Variants in FERMT1 observed in about 807,000 individuals in gnomAD.
FERMT1 encodes FERM domain containing kindlin 1.
In FERMT1, 60 loss-of-function variants were observed where a neutral mutation model predicts 85.3. That is an observed-to-expected ratio of 0.70 (90% confidence interval 0.57 to 0.87). FERMT1 has a LOEUF of 0.87. Among genes scored for constraint, FERMT1 ranks in the 40% least tolerant of loss-of-function variants. FERMT1 has a pLI of 0.00. For missense variants in FERMT1, 701 were observed against 818.9 expected (o/e 0.86, Z 1.76); for synonymous variants, 275 against 301.1 (o/e 0.91, Z 0.90).
chr20:6,090,824 A>G (rs1600432221), intron 9 of FERMT1, among the ~76,000 whole-genome samples: 1 of 152,188 alleles, frequency 6.6e-6, no homozygotes, highest in Non-Finnish European at 1.5e-5. Flanking sequence ...GAAAAACATT[A>G]TATGAACTTA....
At chr20:6,102,977 T>G (rs1268072386) in intron 6 of FERMT1, among the ~76,000 whole-genome samples, 2 of 152,238 alleles carry the variant, frequency 1.3e-5, no homozygotes, top group Admixed American at 1.3e-4. Context: ...AGCCTCTTTT[T>G]AGAACAGATG....
intron 5 of FERMT1, among the ~76,000 whole-genome samples, chr20:6,107,902 A>G (rs1030663666): frequency 6.6e-6 from 1 of 152,158 alleles, no homozygotes; most frequent in East Asian, 1.9e-4. Flanking sequence ...GTCTTGCTCT[A>G]TCACCTAGGC....
intron 9 of FERMT1, chr20:6,094,046 G>A (rs974649361): frequency 6.6e-6 from 1 of 152,194 alleles, no homozygotes; most frequent in Non-Finnish European, 1.5e-5. Context: ...AACCATACCT[G>A]TAGAAACCCA....
chr20:6,117,659 C>T (rs1282808568), intron 2 of FERMT1, among the ~76,000 whole-genome samples: 1 of 152,208 alleles, frequency 6.6e-6, no homozygotes, highest in African/African-American at 2.4e-5. Context: ...GTCTCGAACT[C>T]CTGACCTCGT....
chr20:6,114,704 T>C (rs181366212), intron 3 of FERMT1, among the ~76,000 whole-genome samples: 202 of 152,330 alleles, frequency 1.3e-3, no homozygotes, highest in African/African-American at 3.9e-3. Flanking sequence ...GCATTGTGAC[T>C]GGAGTGAGGA....
At chr20:6,079,353 C>A (rs1568652006) in intron 14 of FERMT1, 83 bp downstream of exon 14, 3 of 1,430,542 alleles carry the variant, frequency 2.1e-6, no homozygotes, top group East Asian at 2.3e-5. Flanking sequence ...AGAAGAACAC[C>A]TTTTAAAACT....
intron 5 of FERMT1, 59 bp downstream of exon 5, chr20:6,110,239 C>A: frequency 7.2e-7 from 1 of 1,391,586 alleles, no homozygotes; most frequent in East Asian, 2.3e-5. Flanking sequence ...AACGTGACAT[C>A]CCATCTCTTA....
chr20:6,097,131 T>G, intron 7 of FERMT1, 98 bp from the exon 8 acceptor site: 3 of 1,172,110 alleles, frequency 2.6e-6, no homozygotes, highest in Non-Finnish European at 2.5e-6. Flanking sequence ...ACTATTCCCT[T>G]GGAATACTGA....
At chr20:6,105,933 C>T (rs966026016) in intron 6 of FERMT1, among the ~76,000 whole-genome samples, 1 of 152,032 alleles carries the variant, frequency 6.6e-6, no homozygotes, top group Admixed American at 6.6e-5. Flanking sequence ...GAATAGATGG[C>T]ATACAACAAG....
chr20:6,107,931 T>C (rs1378755668), intron 5 of FERMT1, among the ~76,000 whole-genome samples: 1 of 152,226 alleles, frequency 6.6e-6, no homozygotes, highest in African/African-American at 2.4e-5. Flanking sequence ...AGTGGTGCAG[T>C]CTCGGCTCAC....
rs558120688 is a variant in FERMT1 at position 6,106,383 on chromosome 20, G to A, written c.849+1149C>T. Among the ~76,000 whole-genome samples, 3 of 152,262 alleles carry A rather than the reference G, an allele frequency of 2.0e-5. No homozygotes were observed. The East Asian group carries it at 5.8e-4, about 29-fold the overall frequency. On this transcript the variant is annotated intron_variant, in intron 6 of 14. Coordinates refer to ENST00000217289, the MANE Select transcript of FERMT1 (RefSeq NM_017671.5). ...AAGTCAGGACCAAGAAGAAGACAGT[G>A]CCTCTTACAAGAGGTGGAAATGCTG...
intron 11 of FERMT1, 99 bp downstream of exon 11, chr20:6,087,678 G>A: frequency 1.3e-6 from 1 of 769,126 alleles, no homozygotes; most frequent in Non-Finnish European, 2.4e-6. Context: ...CAATAGCTGA[G>A]TGACACAATA....
At chr20:6,121,326 T>A (rs1983269527) in intron 1 of FERMT1, among the ~76,000 whole-genome samples, 2 of 152,136 alleles carry the variant, frequency 1.3e-5, no homozygotes, top group African/African-American at 4.8e-5. Context: ...TTCACCATGC[T>A]GGCCAGGCTG....
At chr20:6,081,193 A>G (rs1278978996) in intron 13 of FERMT1, among the ~76,000 whole-genome samples, 1 of 151,930 alleles carries the variant, frequency 6.6e-6, no homozygotes, top group Non-Finnish European at 1.5e-5. Flanking sequence ...AGAGGATCAC[A>G]TGAGCCCAGG....
intron 2 of FERMT1, 100 bp downstream of exon 2, chr20:6,119,304 T>C (rs1301307845): frequency 3.3e-6 from 4 of 1,209,134 alleles, no homozygotes; most frequent in Non-Finnish European, 3.7e-6. Context: ...CTCCAGGGCA[T>C]TACAAGATAA....
At chr20:6,114,617 C>A (rs1383591709) in intron 3 of FERMT1, among the ~76,000 whole-genome samples, 1 of 152,118 alleles carries the variant, frequency 6.6e-6, no homozygotes, top group Non-Finnish European at 1.5e-5. Flanking sequence ...ATTTGCACAC[C>A]AGGGACAAGA....
chr20:6,095,344 T>A (rs1982471948), intron 8 of FERMT1, among the ~76,000 whole-genome samples: 1 of 152,166 alleles, frequency 6.6e-6, no homozygotes. Flanking sequence ...GTGTCGTAGA[T>A]TACAAAAATG....
At chr20:6,083,254 G>A (rs1038084188) in intron 13 of FERMT1, among the ~76,000 whole-genome samples, 4 of 152,136 alleles carry the variant, frequency 2.6e-5, no homozygotes, top group African/African-American at 9.7e-5. Flanking sequence ...AGTGCTAGGC[G>A]GGGATAACAA....
chr20:6,116,171 C>G, intron 2 of FERMT1, 127 bp from the exon 3 acceptor site: 1 of 729,292 alleles, frequency 1.4e-6, no homozygotes, highest in Non-Finnish European at 2.4e-6. Context: ...CTCCTCATGG[C>G]CTTTTACAAT....
Sources: allele counts gnomAD v4.1 joint callset (sites outside exome capture counted in the v4.1 genomes callset), GRCh38; gene constraint gnomAD v4.1.1; transcripts MANE v1.5; gene names NCBI Gene and HGNC (gene_info 2026-07-23, HGNC 2026-07-21).